Variants in VWC2 observed in about 807,000 individuals in gnomAD.
VWC2 encodes the protein brorin.
A neutral mutation model predicts 29.8 loss-of-function variants in VWC2; 14 were observed. The ratio of observed to expected loss-of-function variants is 0.47; its 90% CI spans 0.31 to 0.74. The LOEUF (loss-of-function observed/expected upper bound fraction) is 0.74, where lower values mean the gene tolerates loss of function less well. Among genes scored for constraint, VWC2 ranks in the 30% least tolerant of loss-of-function variants. The pLI, the probability that VWC2 is intolerant of heterozygous loss-of-function variation, is 0.05. For missense variants in VWC2, 457 were observed against 459.8 expected, an observed-to-expected ratio of 0.99 and a Z score of 0.05; for synonymous variants, 213 against 199.0, an observed-to-expected ratio of 1.07 and a Z score of -0.59.
intron 3 of VWC2, among the ~76,000 whole-genome samples, chr7:49,857,074 T>G (rs1158739524): frequency 6.6e-6 from 1 of 150,776 alleles, no homozygotes; most frequent in Non-Finnish European, 1.5e-5. Flanking sequence ...CTTAACAAAT[T>G]TTTAGGTGCA....
intron 3 of VWC2, among the ~76,000 whole-genome samples, chr7:49,811,048 A>C (rs1361820491): frequency 1.3e-5 from 2 of 152,196 alleles, no homozygotes; most frequent in African/African-American, 4.8e-5. Flanking sequence ...TTGCATCTCA[A>C]AACACACAAC....
At chr7:49,873,854 A>C (rs2128724244) in intron 3 of VWC2, among the ~76,000 whole-genome samples, 1 of 152,222 alleles carries the variant, frequency 6.6e-6, no homozygotes, top group South Asian at 2.1e-4. Context: ...GTACTACTAC[A>C]CAGCATTTAT....
chr7:49,911,946 C>CACACACACACACACACAA, intron 3 of VWC2, 88 bp from the exon 4 acceptor site: 1 of 744,258 alleles, frequency 1.3e-6, no homozygotes, highest in Non-Finnish European at 2.0e-6. Flanking sequence ...CACACACACA[C>CACACACACACACACACAA]ATATATATAC....
At chr7:49,887,885 G>A (rs182447239) in intron 3 of VWC2, among the ~76,000 whole-genome samples, 2 of 152,264 alleles carry the variant, frequency 1.3e-5, no homozygotes. Context: ...CTAGCTGCTG[G>A]TTTCTTCCTT....
chr7:49,796,456 G>A (rs1210079194), intron 2 of VWC2, among the ~76,000 whole-genome samples: 3 of 152,154 alleles, frequency 2.0e-5, no homozygotes, highest in African/African-American at 7.2e-5. Context: ...GACATGTCAT[G>A]GTGGTCCTTA....
intron 3 of VWC2, among the ~76,000 whole-genome samples, chr7:49,835,174 G>A (rs1177883151): frequency 6.6e-6 from 1 of 152,202 alleles, no homozygotes; most frequent in Non-Finnish European, 1.5e-5. Context: ...CTATAGGGTA[G>A]AGGACATAGT....
intron 2 of VWC2, among the ~76,000 whole-genome samples, chr7:49,800,955 G>C (rs1396920841): frequency 1.3e-5 from 2 of 151,694 alleles, no homozygotes; most frequent in Non-Finnish European, 1.5e-5. Context: ...AACTTCTAAG[G>C]CTACATTGCC....
intron 3 of VWC2, among the ~76,000 whole-genome samples, chr7:49,902,931 AAAC>A (rs1194287048): frequency 6.6e-6 from 1 of 152,184 alleles, no homozygotes; most frequent in Non-Finnish European, 1.5e-5. Flanking sequence ...TAAAAACACC[AAAC>A]AATTCAGTTA....
At chr7:49,788,770 GA>G in intron 2 of VWC2, among the ~76,000 whole-genome samples, 2 of 146,248 alleles carry the variant, frequency 1.4e-5, no homozygotes, top group African/African-American at 5.4e-5. Context: ...GGGTGTGAGA[GA>G]GGGTGTGTAT....
chr7:49,788,274 G>C (rs1293137685), intron 2 of VWC2, among the ~76,000 whole-genome samples: 1 of 152,150 alleles, frequency 6.6e-6, no homozygotes, highest in Non-Finnish European at 1.5e-5. Flanking sequence ...ATCCATTTGG[G>C]TCACTCTACA....
At chr7:49,882,157 A>C (rs1288708076) in intron 3 of VWC2, among the ~76,000 whole-genome samples, 1 of 152,176 alleles carries the variant, frequency 6.6e-6, no homozygotes, top group African/African-American at 2.4e-5. Context: ...GATATAATCA[A>C]TATTTGTTCT....
chr7:49,878,234 C>T (rs1337987821), intron 3 of VWC2, among the ~76,000 whole-genome samples: 2 of 152,156 alleles, frequency 1.3e-5, no homozygotes, highest in East Asian at 1.9e-4. Context: ...GTATTTTAAA[C>T]ACAGCACACT....
intron 3 of VWC2, among the ~76,000 whole-genome samples, chr7:49,883,458 A>G (rs1350352917): frequency 1.3e-5 from 2 of 152,228 alleles, no homozygotes; most frequent in Non-Finnish European, 2.9e-5. Context: ...ATAATGATAT[A>G]TCCATGGCAT....
At chr7:49,775,161 A>G (rs765689510) in intron 1 of VWC2, among the ~76,000 whole-genome samples, 172 bp from the exon 2 acceptor site, 14 of 152,030 alleles carry the variant, frequency 9.2e-5, no homozygotes, top group Non-Finnish European at 1.5e-5. Flanking sequence ...GTATCGCTCC[A>G]CAGTTTGTGA....
intron 3 of VWC2, among the ~76,000 whole-genome samples, chr7:49,871,908 AACACACACACACACACACAC>A (rs72332840): frequency 0.043 from 3,783 of 87,906 alleles, 102 homozygotes; most frequent in Middle Eastern, 0.081. Flanking sequence ...TGTGTATATA[AACACACACACACACACACAC>A]ACACACACAC....
chr7:49,835,161 G>C (rs1789628552), intron 3 of VWC2, among the ~76,000 whole-genome samples: 1 of 152,152 alleles, frequency 6.6e-6, no homozygotes, highest in South Asian at 2.1e-4. Context: ...ATTCATTGTT[G>C]AACTATAGGG....
chr7:49,882,308 C>T (rs1162435329), intron 3 of VWC2, among the ~76,000 whole-genome samples: 1 of 152,092 alleles, frequency 6.6e-6, no homozygotes, highest in Non-Finnish European at 1.5e-5. Context: ...GCCTTCCTCA[C>T]TTTATAATGT....
chr7:49,790,308 T>C (rs529612265), intron 2 of VWC2, among the ~76,000 whole-genome samples: 7 of 152,222 alleles, frequency 4.6e-5, no homozygotes, highest in Non-Finnish European at 8.8e-5. Context: ...TTGCCTCAGA[T>C]TGTCAGGCTG....
chr7:49,823,210 G>A (rs936811065), intron 3 of VWC2, among the ~76,000 whole-genome samples: 2 of 152,140 alleles, frequency 1.3e-5, no homozygotes, highest in East Asian at 1.9e-4. Flanking sequence ...ACACAAGGAC[G>A]CTTGGACAGA....
Sources: allele counts gnomAD v4.1 joint callset (sites outside exome capture counted in the v4.1 genomes callset), GRCh38; gene constraint gnomAD v4.1.1; transcripts MANE v1.5; gene names NCBI Gene and HGNC (gene_info 2026-07-23, HGNC 2026-07-21).